LMX1B: variants seen among roughly 807,000 people sequenced by gnomAD.
LMX1B encodes LIM homeobox transcription factor 1-beta.
A neutral mutation model predicts 51.4 loss-of-function variants in LMX1B; 12 were observed. The ratio of observed to expected loss-of-function variants is 0.23; its 90% confidence interval spans 0.15 to 0.38. The LOEUF (loss-of-function observed/expected upper bound fraction) is 0.38. Among genes scored for constraint, LMX1B ranks in the 10% least tolerant of loss-of-function variants. The probability of loss-of-function intolerance (pLI) is 1.00; values close to 1 mark genes in which losing one functional copy is unlikely to be tolerated. For missense variants in LMX1B, 445 were observed against 571.1 expected (o/e 0.78, Z 2.25); for synonymous variants, 237 against 235.4 (o/e 1.01, Z -0.06).
rs978529717 is a variant in LMX1B, at chr9:126,695,376, T to G, written c.887-463T>G. 6.6e-6 allele frequency among the ~76,000 whole-genome samples: 1 copy of G among 152,196 alleles called. No homozygotes were observed. The highest frequency in any genetic ancestry group is 2.4e-5 in the African/African-American group (1 of 41,434). The stretch of plus-strand genomic sequence containing the variant: ...CTGCACCCTCACTTACCCGGCGGTC[T>G]GTCTCCTCCATGCCTTTGCCGCCCC... On this transcript the variant is annotated intron_variant, in intron 6 of 7. Coordinates refer to ENST00000373474, the MANE Select transcript of LMX1B (RefSeq NM_001174147.2). The surrounding 1 kb of genome is among the most constrained non-coding windows in gnomAD (Gnocchi z 5.2).
At chr9:126,696,037 C>CCCCCCA in intron 7 of LMX1B, 34 bp downstream of exon 7, 1 of 1,396,832 alleles carries the variant, frequency 7.2e-7, no homozygotes, top group Non-Finnish European at 9.3e-7. Flanking sequence ...CCCGCCCCAG[C>CCCCCCA]ACAGCCCCTG....
rs2030348141 is a variant in LMX1B, at chr9:126,696,595, C to T, written c.*144C>T. The stretch of plus-strand genomic sequence containing the variant: ...CCTCCCCTCGGCCAGCTGGGCCTGA[C>T]CACTGTGCCCGTTGGGTACAGCCAG... On this transcript the variant is annotated 3_prime_UTR_variant, in exon 8 of 8. Coordinates refer to ENST00000373474, the MANE Select transcript of LMX1B (RefSeq NM_001174147.2). The T allele has an allele frequency of 2.2e-6, 2 of 907,434 alleles. No individual in the cohort carries two copies. Among genetic ancestry groups the T allele is most frequent in the East Asian group, 2.6e-5 (1 of 38,910 alleles). 56.2% of individuals were successfully genotyped at this position (907,434 alleles called of 1,614,324 possible).
chr9:126,617,460 C>T (rs948383444), intron 2 of LMX1B, among the ~76,000 whole-genome samples: 2 of 151,788 alleles, frequency 1.3e-5, no homozygotes, highest in Non-Finnish European at 2.9e-5. Context: ...GCCCTCCCCC[C>T]ACTCCCCATA....
chr9:126,693,421 C>T (rs1588307340), intron 4 of LMX1B, 98 bp downstream of exon 4: 1 of 1,534,050 alleles, frequency 6.5e-7, no homozygotes, highest in East Asian at 2.3e-5. Context: ...AGGGACATCC[C>T]TCCATCCTCC....
At chr9:126,685,139 A>G (rs549325306) in intron 2 of LMX1B, among the ~76,000 whole-genome samples, 1 of 152,304 alleles carries the variant, frequency 6.6e-6, no homozygotes, top group South Asian at 2.1e-4. Context: ...CTATCAGGGA[A>G]GGCTTCACAG....
At chr9:126,659,300 G>A (rs565022750) in intron 2 of LMX1B, among the ~76,000 whole-genome samples, 2 of 152,348 alleles carry the variant, frequency 1.3e-5, no homozygotes, top group South Asian at 4.1e-4. Context: ...GTGTCCAGGG[G>A]CACTGCTGAC....
intron 2 of LMX1B, among the ~76,000 whole-genome samples, chr9:126,635,567 G>C (rs1407936128): frequency 6.6e-6 from 1 of 152,148 alleles, no homozygotes; most frequent in Non-Finnish European, 1.5e-5. Flanking sequence ...TCTCAACCTT[G>C]GTTCCATCAT....
At position 126,639,620 on chromosome 9, in the gene LMX1B, C is replaced by T. The variant is rs982687373; in HGVS notation, c.326+24051C>T. ...CCCAGCGGAGCCCCCCTGTTATTGC[C>T]GCAGCCTGGCCCCTTCCCACCAACC... On this transcript the variant is annotated intron_variant, in intron 2 of 7. Coordinates refer to ENST00000373474, the MANE Select transcript of LMX1B (RefSeq NM_001174147.2). 9.8e-5 allele frequency among the ~76,000 whole-genome samples: 15 copies of T among 152,294 alleles called. No homozygotes were observed. In the South Asian group the frequency reaches 1.9e-3, roughly 19 times the overall value.
intron 2 of LMX1B, among the ~76,000 whole-genome samples, chr9:126,623,977 T>C (rs1588264198): frequency 6.6e-6 from 1 of 152,210 alleles, no homozygotes; most frequent in Admixed American, 6.5e-5. Flanking sequence ...CATAGGCTCC[T>C]GGGCTCCGCA....
chr9:126,651,803 T>C (rs560873983), intron 2 of LMX1B, among the ~76,000 whole-genome samples: 133 of 152,226 alleles, frequency 8.7e-4, no homozygotes, highest in African/African-American at 3.1e-3. Context: ...GACCAGGGTC[T>C]GAGCTGGGAG....
chr9:126,646,530 C>T (rs1835905482), intron 2 of LMX1B, among the ~76,000 whole-genome samples: 2 of 152,352 alleles, frequency 1.3e-5, no homozygotes, highest in Non-Finnish European at 2.9e-5. Context: ...CAGGCATCAC[C>T]TGCCCTCGGG....
chr9:126,634,440 C>T (rs558347100), intron 2 of LMX1B, among the ~76,000 whole-genome samples: 8 of 152,304 alleles, frequency 5.3e-5, no homozygotes, highest in Admixed American at 5.2e-4. Flanking sequence ...AGAAAACGCT[C>T]CAGGTCCTGC....
intron 2 of LMX1B, among the ~76,000 whole-genome samples, chr9:126,623,868 T>G (rs1674159717): frequency 6.6e-6 from 1 of 152,132 alleles, no homozygotes; most frequent in Non-Finnish European, 1.5e-5. Flanking sequence ...GACACGCGGA[T>G]GGGGCGGCTT....
At chr9:126,684,448 C>A (rs1836736807) in intron 2 of LMX1B, among the ~76,000 whole-genome samples, 1 of 152,190 alleles carries the variant, frequency 6.6e-6, no homozygotes, top group Non-Finnish European at 1.5e-5. Flanking sequence ...TGGTTAAAAT[C>A]ACCAGATTCT....
At chr9:126,650,230 G>A (rs186370362) in intron 2 of LMX1B, among the ~76,000 whole-genome samples, 1 of 152,310 alleles carries the variant, frequency 6.6e-6, no homozygotes, top group East Asian at 1.9e-4. Context: ...CCCCGAAGTC[G>A]GTGGCATGTT....
intron 2 of LMX1B, among the ~76,000 whole-genome samples, chr9:126,678,335 A>AAAAC (rs1554727270): frequency 0.073 from 10,313 of 141,374 alleles, 1,237 homozygotes; most frequent in African/African-American, 0.25. Context: ...AAAACAAAAA[A>AAAAC]AAAAAACAAA....
intron 2 of LMX1B, among the ~76,000 whole-genome samples, chr9:126,619,138 A>G (rs996800800): frequency 3.9e-5 from 6 of 152,168 alleles, no homozygotes; most frequent in African/African-American, 1.4e-4. Flanking sequence ...AGTTTCACAG[A>G]AAGCCCTCTT....
rs1835497286 is a variant in LMX1B at position 126,625,135 on chromosome 9, C to A, written c.326+9566C>A. ...ATTCATGTCAAGCACAGAAAAGAAG[C>A]CGAGCACCTTACAACCGTGTCCCCT... On this transcript the variant is annotated intron_variant, in intron 2 of 7. Transcript: ENST00000373474. The surrounding 1 kb of genome is among the most constrained non-coding windows in gnomAD (Gnocchi z 5.3). 6.6e-6 allele frequency among the ~76,000 whole-genome samples: 1 copy of A among 152,220 alleles called. No homozygotes were observed. The highest frequency in any genetic ancestry group is 2.4e-5 in the African/African-American group (1 of 41,466).
intron 7 of LMX1B, 63 bp downstream of exon 7, chr9:126,696,066 A>G: frequency 8.3e-7 from 1 of 1,205,004 alleles, no homozygotes; most frequent in Non-Finnish European, 1.1e-6. Flanking sequence ...CAGGCCAGGC[A>G]GGCCTGGGGC....
Sources: gnomAD v4.1 joint callset for allele counts (sites outside exome capture counted in the v4.1 genomes callset) on GRCh38, gnomAD v4.1.1 for gene constraint, Gnocchi (gnomAD v3.1) non-coding constraint, MANE v1.5 for transcripts, NCBI Gene and HGNC (gene_info 2026-07-23, HGNC 2026-07-21) for gene names.